The following PCDHGA6 variants were observed in gnomAD, a reference collection of about 807,000 sequenced individuals.
PCDHGA6 encodes protocadherin gamma subfamily A, 6, also known as protocadherin gamma-A6.
In PCDHGA6, 41 loss-of-function variants were observed where a neutral mutation model predicts 60.6. The observed-to-expected ratio is 0.68, with a 90% CI of 0.53 to 0.88. The LOEUF is 0.88. Among genes scored for constraint, PCDHGA6 ranks in the 40% least tolerant of loss-of-function variants. The probability of loss-of-function intolerance (pLI) is 0.00; values close to 1 mark genes in which losing one functional copy is unlikely to be tolerated. For synonymous variants in PCDHGA6, 594 were observed against 524.4 expected (o/e 1.13, Z -1.81); for missense variants, 1,312 against 1,203.0 (o/e 1.09, Z -1.34).
intron 1 of PCDHGA6, chr5:141,428,371 C>A: frequency 5.6e-6 from 3 of 536,772 alleles, no homozygotes; most frequent in Non-Finnish European, 1.0e-5. Flanking sequence ...CGCCTTGCAC[C>A]TGCGATGCTC....
chr5:141,476,233 G>A lies in PCDHGA6; in HGVS notation c.2425-18574G>A, dbSNP rs1162067190. ...CGGTCATTCACTATGAGATCCCGGA[G>A]GAAAGAGAGAAGGGTTTCGCTGTGG... On this transcript the variant is annotated intron_variant, in intron 1 of 3. Coordinates refer to ENST00000517434, the MANE Select transcript of PCDHGA6 (RefSeq NM_018919.3). The surrounding 1 kb of genome is among the most constrained non-coding windows in gnomAD (Gnocchi z 7.6). The A allele has an allele frequency of 3.1e-6, 5 of 1,613,996 alleles. No homozygotes were observed. Among genetic ancestry groups the A allele is most frequent in the African/African-American group, 2.7e-5 (2 of 74,894 alleles).
Position 141,460,747 on chromosome 5 carries a change from G to A in PCDHGA6, c.2425-34060G>A, listed in dbSNP as rs148154304. On this transcript the variant is annotated intron_variant, in intron 1 of 3. Transcript: ENST00000517434. ...GCATATATACACATTGTATATATAT[G>A]TGTACATATACATATTGCATATGTA... Among the ~76,000 whole-genome samples, 351 of 151,000 alleles carry A rather than the reference G, an allele frequency of 2.3e-3. 2 individuals are homozygous for A. The highest frequency in any genetic ancestry group is 6.8e-3 in the Middle Eastern group (2 of 294).
Position 141,491,009 on chromosome 5 carries a change from C to A in PCDHGA6, c.2425-3798C>A. On this transcript the variant is annotated intron_variant, in intron 1 of 3. Transcript: ENST00000517434. This position sits in a 1 kb window ranked among gnomAD's most constrained non-coding sequence, Gnocchi z 6.9. ...TCTGCTCCTCCTGGCTCCTTGGTCA[C>A]CAAGGTGACAGCCGTGGATGCTGAT... 4 of 1,614,140 alleles carry A rather than the reference C, an allele frequency of 2.5e-6. No homozygotes were observed. Among genetic ancestry groups the A allele is most frequent in the Non-Finnish European group, 3.4e-6 (4 of 1,180,038 alleles).
chr5:141,483,637 G>C (rs1365525499), intron 1 of PCDHGA6, among the ~76,000 whole-genome samples: 2 of 145,762 alleles, frequency 1.4e-5, no homozygotes. Context: ...AAGGTATAGA[G>C]GGGTGTGTGT....
chr5:141,385,132 G>T (rs763210124), intron 1 of PCDHGA6: 2 of 1,614,094 alleles, frequency 1.2e-6, no homozygotes, highest in African/African-American at 1.3e-5. Flanking sequence ...GGGCATGGAC[G>T]GGGTGCAGGC....
intron 1 of PCDHGA6, among the ~76,000 whole-genome samples, chr5:141,475,007 G>A (rs1017671344): frequency 2.0e-5 from 3 of 152,178 alleles, no homozygotes; most frequent in East Asian, 1.9e-4. Flanking sequence ...ATGCAGAAAA[G>A]TTAAGGCTCT....
chr5:141,486,725 C>A lies in PCDHGA6; in HGVS notation c.2425-8082C>A. 1 of 1,614,182 alleles carries A rather than the reference C, an allele frequency of 6.2e-7. No individual in the cohort carries two copies. The highest frequency in any genetic ancestry group is 1.1e-5 in the South Asian group (1 of 91,076). On this transcript the variant is annotated intron_variant, in intron 1 of 3. Transcript: ENST00000517434. The surrounding 1 kb of genome is among the most constrained non-coding windows in gnomAD (Gnocchi z 5.0). ...TCTGAACCCCCAGACAGGAGCTGTT[C>A]ATGCTACTCGATCCTTTGACTATGA...
At position 141,375,616 on chromosome 5, in the gene PCDHGA6, T is replaced by A. The variant is rs745318336; in HGVS notation, c.1533T>A (p.Thr511=). The A allele has an allele frequency of 3.1e-6, 5 of 1,614,200 alleles. No homozygotes were observed. The highest frequency in any genetic ancestry group is 1.7e-5 in the Admixed American group (1 of 60,024). ...CCTACGTGTCCATCAACTCCGACAC[T>A]GGGATTCTGTACGCCCTGCGCTCCT... ...LSSYVSINSD[T]GILYALRSFD... Residue 511 remains threonine, a synonymous_variant, in exon 1 of 4, where the codon ACT becomes ACA. Transcript: ENST00000517434.
chr5:141,405,203 C>T, intron 1 of PCDHGA6: 2 of 1,613,520 alleles, frequency 1.2e-6, no homozygotes, highest in Non-Finnish European at 1.7e-6. Context: ...AGCTTTCCTA[C>T]AGACCTATTC....
intron 1 of PCDHGA6, among the ~76,000 whole-genome samples, chr5:141,467,254 T>C (rs1291193879): frequency 2.0e-5 from 3 of 152,248 alleles, no homozygotes; most frequent in Admixed American, 6.5e-5. Flanking sequence ...GGTTTCACCA[T>C]GTTGGCCAGG....
At chr5:141,494,522 G>C (rs2099754911) in intron 1 of PCDHGA6, among the ~76,000 whole-genome samples, 1 of 152,196 alleles carries the variant, frequency 6.6e-6, no homozygotes, top group Non-Finnish European at 1.5e-5. Flanking sequence ...CAGGAGTTCT[G>C]ACTCTGGGGG....
chr5:141,397,194 A>G (rs1362793784), intron 1 of PCDHGA6, among the ~76,000 whole-genome samples: 1 of 152,240 alleles, frequency 6.6e-6, no homozygotes, highest in Admixed American at 6.5e-5. Flanking sequence ...GTACTGTAAA[A>G]GATATGACAT....
chr5:141,382,072 G>A (rs901840757), intron 1 of PCDHGA6, among the ~76,000 whole-genome samples: 2 of 151,786 alleles, frequency 1.3e-5, no homozygotes, highest in African/African-American at 4.8e-5. Context: ...CAGGTGATCC[G>A]CCCGCCTCGG....
chr5:141,390,354 A>C (rs1031121162), intron 1 of PCDHGA6: 21 of 1,553,066 alleles, frequency 1.4e-5, no homozygotes, highest in Non-Finnish European at 1.6e-5. Context: ...AAATATACAT[A>C]TTTGCAGGAA....
rs1334650353 is a variant in PCDHGA6, at chr5:141,493,099, A to T, written c.2425-1708A>T. Among the ~76,000 whole-genome samples, 1 of 152,192 alleles carries T rather than the reference A, an allele frequency of 6.6e-6. No homozygotes were observed. Among genetic ancestry groups the T allele is most frequent in the East Asian group, 1.9e-4 (1 of 5,198 alleles). On this transcript the variant is annotated intron_variant, in intron 1 of 3. Coordinates refer to ENST00000517434, the MANE Select transcript of PCDHGA6 (RefSeq NM_018919.3). This position sits in a 1 kb window ranked among gnomAD's most constrained non-coding sequence, Gnocchi z 4.3. ...CTCCAGGAGCTTTTATTCAAAATAT[A>T]TCAATGCCTAACTCTGCTCCTAGGA... is the stretch of plus-strand genomic sequence containing the variant.
intron 1 of PCDHGA6, among the ~76,000 whole-genome samples, chr5:141,401,408 A>G (rs943963302): frequency 6.6e-6 from 1 of 152,200 alleles, no homozygotes; most frequent in Non-Finnish European, 1.5e-5. Flanking sequence ...TATGAGAGAG[A>G]AAGAGAGAGA....
intron 1 of PCDHGA6, chr5:141,433,358 CCTATCTATCTAT>C (rs3074541): frequency 0.01 from 5,256 of 504,010 alleles, 38 homozygotes; most frequent in Non-Finnish European, 0.014. Flanking sequence ...CTACTGTCTG[CCTATCTATCTAT>C]CTATCTATCT....
chr5:141,415,411 G>A (rs754595054), intron 1 of PCDHGA6: 45 of 1,614,112 alleles, frequency 2.8e-5, no homozygotes, highest in Non-Finnish European at 3.6e-5. Context: ...GCACTTTGTG[G>A]GCGTGGACGG....
intron 1 of PCDHGA6, chr5:141,418,770 A>G: frequency 6.2e-7 from 1 of 1,613,892 alleles, no homozygotes; most frequent in Non-Finnish European, 8.5e-7. Context: ...ATTCTAACTC[A>G]GCAGCCTTTG....
Sources: gnomAD v4.1 joint callset for allele counts (sites outside exome capture counted in the v4.1 genomes callset) on GRCh38, gnomAD v4.1.1 for gene constraint, Gnocchi (gnomAD v3.1) non-coding constraint, MANE v1.5 for transcripts, NCBI Gene and HGNC (gene_info 2026-07-23, HGNC 2026-07-21) for gene names.